The following SLC25A21 variants were observed in gnomAD, a reference collection of about 807,000 sequenced individuals.
SLC25A21 encodes the protein solute carrier family 25 member 21.
SLC25A21 carries 47 observed loss-of-function variants against 43.8 expected under a neutral mutation model. That is an observed-to-expected ratio of 1.07 (90% CI 0.85 to 1.37). The LOEUF is 1.37. SLC25A21 is among the 40% of genes most tolerant of loss of function. The pLI, the probability that SLC25A21 is intolerant of heterozygous loss-of-function variation, is 0.00. For synonymous variants in SLC25A21, 131 were observed against 121.3 expected, an observed-to-expected ratio of 1.08 and a Z score of -0.52; for missense variants, 352 against 350.2, an observed-to-expected ratio of 1.00 and a Z score of -0.04.
rs1333444564 is a variant in SLC25A21, at chr14:37,045,448, A to AT, written c.70+126832_70+126833insA. On this transcript the variant is annotated intron_variant, in intron 1 of 9. Coordinates refer to ENST00000331299, the MANE Select transcript of SLC25A21 (RefSeq NM_030631.4). ...AAAGACAAACTGCTGGGGAAAAAAAACTTCACTAATATTTCAAAATTGGAA... is the reference window on the plus strand; with the variant it reads ...AAAGACAAACTGCTGGGGAAAAAAAATCTTCACTAATATTTCAAAATTGGAA... Among the ~76,000 whole-genome samples the AT allele has an allele frequency of 2.0e-5, 3 of 152,330 alleles. No homozygotes were observed. In the East Asian group the frequency reaches 5.8e-4, roughly 29 times the overall value.
intron 1 of SLC25A21, among the ~76,000 whole-genome samples, chr14:37,022,583 G>A (rs902366448): frequency 6.6e-6 from 1 of 151,918 alleles, no homozygotes; most frequent in African/African-American, 2.4e-5. Flanking sequence ...AGTCTCATCA[G>A]TTCAATCCTA....
At chr14:36,998,593 A>C (rs1016847287) in intron 1 of SLC25A21, among the ~76,000 whole-genome samples, 2 of 152,130 alleles carry the variant, frequency 1.3e-5, no homozygotes, top group African/African-American at 4.8e-5. Flanking sequence ...ATCAGATACA[A>C]ATAATGTCTA....
At chr14:36,843,148 C>T (rs1158665801) in intron 2 of SLC25A21, among the ~76,000 whole-genome samples, 1 of 152,166 alleles carries the variant, frequency 6.6e-6, no homozygotes, top group East Asian at 1.9e-4. Flanking sequence ...AGCCTAGTTC[C>T]TAACAGGCCA....
intron 1 of SLC25A21, among the ~76,000 whole-genome samples, chr14:36,960,598 C>T (rs1319848557): frequency 6.6e-6 from 1 of 152,122 alleles, no homozygotes. Context: ...GTAATTTACC[C>T]TCCTTTCCCC....
At chr14:36,929,276 A>T (rs1249104635) in intron 1 of SLC25A21, among the ~76,000 whole-genome samples, 1 of 152,180 alleles carries the variant, frequency 6.6e-6, no homozygotes, top group East Asian at 1.9e-4. Context: ...TGAATACTGG[A>T]GGGTCCCACT....
chr14:36,729,742 A>G, intron 4 of SLC25A21, among the ~76,000 whole-genome samples, 176 bp from the exon 5 acceptor site: 1 of 152,198 alleles, frequency 6.6e-6, no homozygotes, highest in East Asian at 1.9e-4. Flanking sequence ...TTTCTTTAAC[A>G]TTCACAGTTT....
chr14:37,160,165 A>C (rs1049967440), intron 1 of SLC25A21, among the ~76,000 whole-genome samples: 26 of 152,274 alleles, frequency 1.7e-4, no homozygotes, highest in African/African-American at 5.5e-4. Flanking sequence ...ATTTCACACA[A>C]AAAAAACTAA....
At chr14:37,132,659 C>G (rs1963410216) in intron 1 of SLC25A21, among the ~76,000 whole-genome samples, 1 of 151,948 alleles carries the variant, frequency 6.6e-6, no homozygotes, top group Admixed American at 6.6e-5. Context: ...TTTCTTTTCC[C>G]TCTCCATTTT....
intron 2 of SLC25A21, among the ~76,000 whole-genome samples, chr14:36,839,197 A>G (rs139404094): frequency 1.3e-5 from 2 of 152,372 alleles, no homozygotes; most frequent in Admixed American, 6.5e-5. Context: ...TTCAAATAAT[A>G]GTGACAAATT....
At chr14:36,835,990 T>G (rs776423099) in intron 2 of SLC25A21, among the ~76,000 whole-genome samples, 6 of 152,212 alleles carry the variant, frequency 3.9e-5, no homozygotes, top group Non-Finnish European at 5.9e-5. Context: ...CCAAATATCT[T>G]TCGCTGAGTG....
intron 7 of SLC25A21, among the ~76,000 whole-genome samples, chr14:36,705,022 T>C (rs1263902416): frequency 6.6e-6 from 1 of 152,122 alleles, no homozygotes; most frequent in Non-Finnish European, 1.5e-5. Flanking sequence ...AACTTCAAGG[T>C]TGGATAGCTG....
chr14:36,835,707 G>A (rs1889186651), intron 2 of SLC25A21, among the ~76,000 whole-genome samples: 1 of 152,190 alleles, frequency 6.6e-6, no homozygotes, highest in African/African-American at 2.4e-5. Context: ...AACATGTTCA[G>A]AGAGATTTCT....
At chr14:36,990,776 T>C (rs1566796387) in intron 1 of SLC25A21, among the ~76,000 whole-genome samples, 1 of 152,004 alleles carries the variant, frequency 6.6e-6, no homozygotes. Flanking sequence ...AGATACTTGG[T>C]AGGCTGAGGT....
chr14:36,929,555 TA>T (rs1292948344), intron 1 of SLC25A21, among the ~76,000 whole-genome samples: 1 of 152,152 alleles, frequency 6.6e-6, no homozygotes, highest in African/African-American at 2.4e-5. Context: ...TGTGTGTGAT[TA>T]TGGAAAAGTG....
intron 1 of SLC25A21, among the ~76,000 whole-genome samples, chr14:37,101,184 T>C (rs1962810759): frequency 6.6e-6 from 1 of 152,264 alleles, no homozygotes. Context: ...GTTGAGCAGA[T>C]TCTGTAATTT....
chr14:36,819,704 C>T (rs909511086), intron 2 of SLC25A21, among the ~76,000 whole-genome samples: 1 of 152,094 alleles, frequency 6.6e-6, no homozygotes, highest in Non-Finnish European at 1.5e-5. Flanking sequence ...CGAGTCTATT[C>T]TGGGGAGTGG....
In SLC25A21 at chr14:36,813,777, T is replaced by C; in HGVS notation, c.203+141A>G. 4.8e-6 allele frequency: 3 copies of C among 630,806 alleles called. 1 individual carries two copies. In the South Asian group the frequency reaches 5.8e-5, roughly 12 times the overall value. The allele number at this position is 630,806 out of a possible 1,614,324, so 39.1% of individuals were successfully genotyped here. A position where few individuals can be genotyped will look rare whatever the true frequency, so the allele number is the denominator to read the frequency against. ...ATATATATCCAGTTTTCAATCACAT[T>C]ATTAGGAAAAACATAACAAAGTAGA... On this transcript the variant is annotated intron_variant, in intron 3 of 9. Coordinates refer to ENST00000331299, the MANE Select transcript of SLC25A21 (RefSeq NM_030631.4).
chr14:36,683,470 C>G (rs187626669), intron 9 of SLC25A21, among the ~76,000 whole-genome samples: 1 of 152,276 alleles, frequency 6.6e-6, no homozygotes, highest in Non-Finnish European at 1.5e-5. Flanking sequence ...CACGAGGAAA[C>G]GTTTGACTGG....
intron 1 of SLC25A21, among the ~76,000 whole-genome samples, chr14:36,969,550 G>A (rs1052615317): frequency 6.6e-6 from 1 of 151,922 alleles, no homozygotes; most frequent in Non-Finnish European, 1.5e-5. Context: ...GTGCAGTGGT[G>A]CAATCATAGA....
Sources: allele counts gnomAD v4.1 joint callset (sites outside exome capture counted in the v4.1 genomes callset), GRCh38; gene constraint gnomAD v4.1.1; transcripts MANE v1.5; gene names NCBI Gene and HGNC (gene_info 2026-07-23, HGNC 2026-07-21).